The following CDH18 variants were observed in gnomAD, a reference collection of about 807,000 sequenced individuals.
The protein encoded by CDH18 is cadherin-18.
CDH18 carries 31 observed loss-of-function variants against 67.9 expected under a neutral mutation model. The observed-to-expected ratio is 0.46, with a 90% confidence interval of 0.34 to 0.62. The LOEUF is 0.62. Among genes scored for constraint, CDH18 ranks in the 20% least tolerant of loss-of-function variants. The pLI, the probability that CDH18 is intolerant of heterozygous loss-of-function variation, is 0.01. For synonymous variants in CDH18, 362 were observed against 347.2 expected, an observed-to-expected ratio of 1.04 and a Z score of -0.48; for missense variants, 890 against 975.5, an observed-to-expected ratio of 0.91 and a Z score of 1.17.
intron 3 of CDH18, among the ~76,000 whole-genome samples, chr5:19,791,387 A>ACACACACACACACAC (rs1002497538): frequency 6.6e-6 from 1 of 151,850 alleles, no homozygotes; most frequent in Non-Finnish European, 1.5e-5. Flanking sequence ...ACACACACAC[A>ACACACACACACACAC]CACATCTGTT....
intron 1 of CDH18, among the ~76,000 whole-genome samples, chr5:20,561,475 A>G (rs932854465): frequency 6.6e-6 from 1 of 152,080 alleles, no homozygotes; most frequent in African/African-American, 2.4e-5. Context: ...CCTTAAATTC[A>G]TCTTACTAAG....
At position 19,475,192 on chromosome 5, in the gene CDH18, GCACACACA is replaced by G. The variant is rs34517461; in HGVS notation, c.1883-1484_1883-1477del. 5.8e-3 allele frequency among the ~76,000 whole-genome samples: 846 copies of G among 146,316 alleles called. 8 individuals carry two copies. The highest frequency in any genetic ancestry group is 0.019 in the African/African-American group (773 of 40,028). On this transcript the variant is annotated intron_variant, in intron 12 of 12. Coordinates refer to ENST00000382275, the MANE Select transcript of CDH18 (RefSeq NM_004934.5). ...AAACGTGAATTTGAGATCAATAACAGCACACACACACACACACACACACACATGCTTCT... is the reference window on the plus strand; with the variant it reads ...AAACGTGAATTTGAGATCAATAACAGCACACACACACACACACATGCTTCT...
chr5:19,764,840 A>G (rs1772865006), intron 3 of CDH18, among the ~76,000 whole-genome samples: 1 of 152,176 alleles, frequency 6.6e-6, no homozygotes, highest in Non-Finnish European at 1.5e-5. Flanking sequence ...ATTTCCATGC[A>G]GTCTCGAAGC....
At chr5:19,542,275 T>C (rs984295079) in intron 9 of CDH18, among the ~76,000 whole-genome samples, 1 of 152,154 alleles carries the variant, frequency 6.6e-6, no homozygotes, top group African/African-American at 2.4e-5. Flanking sequence ...AGACATATAG[T>C]AACAAATGTT....
At chr5:19,718,461 A>G (rs1174146517) in intron 5 of CDH18, among the ~76,000 whole-genome samples, 1 of 151,958 alleles carries the variant, frequency 6.6e-6, no homozygotes. Flanking sequence ...ATTTTATTCC[A>G]TTCACTTTTC....
chr5:20,068,273 A>G (rs1012180433), intron 2 of CDH18, among the ~76,000 whole-genome samples: 1 of 152,154 alleles, frequency 6.6e-6, no homozygotes, highest in African/African-American at 2.4e-5. Flanking sequence ...TATCGCACAG[A>G]TATTACAAGT....
At chr5:19,877,355 G>A (rs1787137443) in intron 2 of CDH18, among the ~76,000 whole-genome samples, 1 of 152,126 alleles carries the variant, frequency 6.6e-6, no homozygotes, top group Non-Finnish European at 1.5e-5. Flanking sequence ...ATGTGGGTAT[G>A]CTTTGATTGA....
chr5:20,197,107 G>T (rs1739043323), intron 2 of CDH18, among the ~76,000 whole-genome samples: 1 of 152,134 alleles, frequency 6.6e-6, no homozygotes, highest in Admixed American at 6.6e-5. Flanking sequence ...CGTCTCCCAG[G>T]TTCAAGCAAT....
chr5:20,259,640 G>T (rs1744498479), intron 1 of CDH18, among the ~76,000 whole-genome samples: 1 of 152,068 alleles, frequency 6.6e-6, no homozygotes, highest in Admixed American at 6.6e-5. Context: ...CAAAATATGT[G>T]TTAACTGACT....
chr5:20,262,120 G>T (rs1433471113), intron 1 of CDH18, among the ~76,000 whole-genome samples: 1 of 152,186 alleles, frequency 6.6e-6, no homozygotes, highest in Non-Finnish European at 1.5e-5. Context: ...TTGATACAAG[G>T]TGCTGCTTGT....
chr5:20,513,317 G>T (rs1755158642), intron 1 of CDH18, among the ~76,000 whole-genome samples: 1 of 152,084 alleles, frequency 6.6e-6, no homozygotes, highest in Non-Finnish European at 1.5e-5. Context: ...AAGAACTGAA[G>T]AACACATACA....
intron 3 of CDH18, among the ~76,000 whole-genome samples, chr5:19,792,341 C>T (rs961632920): frequency 1.3e-5 from 2 of 152,096 alleles, no homozygotes; most frequent in East Asian, 1.9e-4. Flanking sequence ...CTTCAGGCTT[C>T]GTAACTTACA....
intron 8 of CDH18, among the ~76,000 whole-genome samples, chr5:19,568,641 C>T (rs1394915161): frequency 2.0e-5 from 3 of 152,082 alleles, no homozygotes; most frequent in African/African-American, 7.2e-5. Flanking sequence ...GAAGAGTTTG[C>T]TTTCTTTCTT....
intron 1 of CDH18, among the ~76,000 whole-genome samples, chr5:20,419,623 GC>G (rs1747688979): frequency 4.9e-5 from 7 of 144,132 alleles, no homozygotes; most frequent in Admixed American, 4.7e-4. Context: ...GACTACAGGC[GC>G]CCGCCACGAC....
intron 1 of CDH18, among the ~76,000 whole-genome samples, chr5:20,470,572 T>C (rs1049025721): frequency 6.6e-6 from 1 of 152,176 alleles, no homozygotes; most frequent in South Asian, 2.1e-4. Context: ...AAAGCCCCGT[T>C]ACCTGCCCTC....
At chr5:19,940,872 A>C (rs1406968080) in intron 2 of CDH18, among the ~76,000 whole-genome samples, 2 of 152,140 alleles carry the variant, frequency 1.3e-5, no homozygotes, top group Non-Finnish European at 2.9e-5. Context: ...CCCAAGTAGA[A>C]TTCAAGATAC....
chr5:19,911,260 T>A (rs1791113277), intron 2 of CDH18, among the ~76,000 whole-genome samples: 1 of 152,078 alleles, frequency 6.6e-6, no homozygotes, highest in Non-Finnish European at 1.5e-5. Context: ...TTCTCATTCT[T>A]ATTACAAAGC....
intron 1 of CDH18, among the ~76,000 whole-genome samples, chr5:20,548,439 T>TGTG (rs1757458383): frequency 2.0e-5 from 3 of 146,778 alleles, no homozygotes; most frequent in Admixed American, 6.8e-5. Flanking sequence ...GAGAACATGT[T>TGTG]TGTGTGTGTG....
chr5:19,690,889 A>G (rs1761772088), intron 5 of CDH18, among the ~76,000 whole-genome samples: 1 of 151,878 alleles, frequency 6.6e-6, no homozygotes, highest in African/African-American at 2.4e-5. Flanking sequence ...ATTCTCAAAA[A>G]TTGAAGAGTA....
Sources: allele counts gnomAD v4.1 joint callset (sites outside exome capture counted in the v4.1 genomes callset), GRCh38; gene constraint gnomAD v4.1.1; transcripts MANE v1.5; gene names NCBI Gene and HGNC (gene_info 2026-07-23, HGNC 2026-07-21).